The following EPHA6 variants were observed in gnomAD, a reference collection of about 807,000 sequenced individuals.
EPHA6 encodes the protein EPH receptor A6.
EPHA6 carries 50 observed loss-of-function variants against 112.0 expected under a neutral mutation model. That is an observed-to-expected ratio of 0.45 (90% CI 0.36 to 0.56). The LOEUF (loss-of-function observed/expected upper bound fraction) is 0.56, where lower values mean the gene tolerates loss of function less well. Among genes scored for constraint, EPHA6 ranks in the 20% least tolerant of loss-of-function variants. The pLI is 0.00. For synonymous variants in EPHA6, 529 were observed against 490.7 expected (o/e 1.08, Z -1.03); for missense variants, 1,280 against 1,417.4 (o/e 0.90, Z 1.56).
intron 13 of EPHA6, 57 bp from the exon 14 acceptor site, chr3:97,637,816 C>A: frequency 7.9e-7 from 1 of 1,265,628 alleles, no homozygotes; most frequent in Non-Finnish European, 1.2e-6. Context: ...ATTTAATACA[C>A]ACACGCACAC....
At chr3:97,673,574 C>G (rs2031060721) in intron 14 of EPHA6, among the ~76,000 whole-genome samples, 1 of 152,206 alleles carries the variant, frequency 6.6e-6, no homozygotes, top group Non-Finnish European at 1.5e-5. Context: ...AGGCTATTAA[C>G]TCTACTCTGA....
At chr3:97,656,672 A>G (rs1454813770) in intron 14 of EPHA6, among the ~76,000 whole-genome samples, 3 of 151,870 alleles carry the variant, frequency 2.0e-5, no homozygotes, top group Non-Finnish European at 2.9e-5. Context: ...TATAGGTCAA[A>G]CCTTTGCAGT....
chr3:97,235,348 C>G (rs1260632265), intron 4 of EPHA6, among the ~76,000 whole-genome samples: 6 of 152,070 alleles, frequency 3.9e-5, no homozygotes, highest in Non-Finnish European at 8.8e-5. Flanking sequence ...TCTCAGACTG[C>G]TTATCAAGCC....
intron 5 of EPHA6, among the ~76,000 whole-genome samples, chr3:97,309,339 A>C (rs2081450859): frequency 1.3e-5 from 2 of 151,668 alleles, no homozygotes; most frequent in African/African-American, 2.4e-5. Flanking sequence ...AGGCACTCTT[A>C]GTTTCCCAAT....
At chr3:97,394,160 A>G (rs1484503439) in intron 5 of EPHA6, among the ~76,000 whole-genome samples, 1 of 151,768 alleles carries the variant, frequency 6.6e-6, no homozygotes, top group Non-Finnish European at 1.5e-5. Flanking sequence ...AAGAACAAAA[A>G]CTGGAGAAAG....
At chr3:97,024,979 A>G (rs1002142917) in intron 3 of EPHA6, among the ~76,000 whole-genome samples, 2 of 152,206 alleles carry the variant, frequency 1.3e-5, no homozygotes, top group African/African-American at 4.8e-5. Context: ...TTTAATGGAA[A>G]TGCTGCCTCT....
intron 4 of EPHA6, among the ~76,000 whole-genome samples, chr3:97,230,793 G>C (rs1041358363): frequency 3.9e-5 from 6 of 152,102 alleles, no homozygotes. Flanking sequence ...GAAGAGTTTT[G>C]GGTGGCGGAG....
At chr3:97,671,057 T>A (rs188311519) in intron 14 of EPHA6, among the ~76,000 whole-genome samples, 205 of 152,276 alleles carry the variant, frequency 1.3e-3, no homozygotes, top group Non-Finnish European at 2.4e-3. Flanking sequence ...TGGTGTCAAG[T>A]CAGTCACTGA....
Position 96,987,593 on chromosome 3 carries a change from G to A in EPHA6, c.714G>A (p.Gln238=), listed in dbSNP as rs1400442021. The change falls in exon 3 of 18, where the codon CAG becomes CAA. Residue 238 remains glutamine, a synonymous_variant. Transcript: ENST00000389672. ...ESHGIKFKPN[Q]YTKIDTIAAD... is the part of the protein sequence containing the mutation. ...ACGGAATTAAATTCAAGCCAAACCA[G>A]TATACAAAGATCGACACAATTGCTG... 1.2e-6 allele frequency: 2 copies of A among 1,613,850 alleles called. No homozygotes were observed. The highest frequency in any genetic ancestry group is 3.3e-5 in the Admixed American group (2 of 60,014).
intron 2 of EPHA6, among the ~76,000 whole-genome samples, chr3:96,935,245 T>G (rs2040519837): frequency 6.6e-6 from 1 of 151,874 alleles, no homozygotes; most frequent in Non-Finnish European, 1.5e-5. Context: ...GAATAGTTCA[T>G]ACTGGGGAAA....
At chr3:97,634,602 A>G (rs1382800534) in intron 13 of EPHA6, among the ~76,000 whole-genome samples, 1 of 152,014 alleles carries the variant, frequency 6.6e-6, no homozygotes, top group Non-Finnish European at 1.5e-5. Flanking sequence ...CCCTTAACCG[A>G]ATCACTCCCT....
chr3:97,594,736 C>T (rs2093572993), intron 12 of EPHA6, among the ~76,000 whole-genome samples: 2 of 152,008 alleles, frequency 1.3e-5, no homozygotes, highest in South Asian at 4.2e-4. Flanking sequence ...TAAAGTATTT[C>T]TTTGCCATCT....
intron 14 of EPHA6, among the ~76,000 whole-genome samples, chr3:97,640,331 T>A (rs1161183641): frequency 6.6e-6 from 1 of 152,168 alleles, no homozygotes; most frequent in African/African-American, 2.4e-5. Flanking sequence ...CCATAGGCAA[T>A]GGAGGGGCCA....
At chr3:96,843,943 T>C (rs2034913168) in intron 1 of EPHA6, among the ~76,000 whole-genome samples, 2 of 152,206 alleles carry the variant, frequency 1.3e-5, no homozygotes, top group Middle Eastern at 3.4e-3. Context: ...ATATTTACAT[T>C]TATGTAAAAT....
chr3:97,342,610 T>C (rs1204606311), intron 5 of EPHA6, among the ~76,000 whole-genome samples: 3 of 152,200 alleles, frequency 2.0e-5, no homozygotes, highest in Non-Finnish European at 4.4e-5. Flanking sequence ...GTGATAGTAT[T>C]TCCAGATGGA....
At chr3:97,592,516 G>T in intron 11 of EPHA6, 96 bp from the exon 12 acceptor site, 1 of 1,402,704 alleles carries the variant, frequency 7.1e-7, no homozygotes, top group Non-Finnish European at 9.8e-7. Flanking sequence ...CGTAAAATTT[G>T]ATGTCTTTGT....
At chr3:97,452,123 A>G (rs1577453672) in intron 7 of EPHA6, among the ~76,000 whole-genome samples, 1 of 151,948 alleles carries the variant, frequency 6.6e-6, no homozygotes, top group Non-Finnish European at 1.5e-5. Context: ...CTATAAACAT[A>G]GTGGCATCTG....
intron 3 of EPHA6, among the ~76,000 whole-genome samples, chr3:97,158,692 A>G (rs916622235): frequency 2.6e-5 from 4 of 152,170 alleles, no homozygotes; most frequent in East Asian, 1.9e-4. Flanking sequence ...CATTTTTTAC[A>G]TAAGATGACA....
At chr3:97,646,544 G>T (rs919543522) in intron 14 of EPHA6, among the ~76,000 whole-genome samples, 1 of 152,018 alleles carries the variant, frequency 6.6e-6, no homozygotes, top group Non-Finnish European at 1.5e-5. Context: ...CATATTTCAG[G>T]CACTATTCTT....
Sources: gnomAD v4.1 joint callset for allele counts (sites outside exome capture counted in the v4.1 genomes callset) on GRCh38, gnomAD v4.1.1 for gene constraint, MANE v1.5 for transcripts, NCBI Gene and HGNC (gene_info 2026-07-23, HGNC 2026-07-21) for gene names.